CHN1: variants seen among roughly 807,000 people sequenced by gnomAD.
The protein encoded by CHN1 is N-chimaerin.
In CHN1, 37 loss-of-function variants were observed where a neutral mutation model predicts 59.5. That is an observed-to-expected ratio of 0.62 (90% CI 0.48 to 0.82). CHN1 has a LOEUF of 0.82. Among genes scored for constraint, CHN1 ranks in the 40% least tolerant of loss-of-function variants. The pLI, the probability that CHN1 is intolerant of heterozygous loss-of-function variation, is 0.00. For missense variants in CHN1, 469 were observed against 571.0 expected (o/e 0.82, Z 1.82); for synonymous variants, 206 against 200.4 (o/e 1.03, Z -0.24).
In CHN1 at chr2:174,900,543, C is replaced by T. The variant is rs757621608; in HGVS notation, c.260+14515G>A. 5.9e-5 allele frequency among the ~76,000 whole-genome samples: 9 copies of T among 152,274 alleles called. No individual in the cohort carries two copies. The South Asian group carries it at 6.2e-4, about 11-fold the overall frequency. On this transcript the variant is annotated intron_variant, in intron 5 of 12. Coordinates refer to ENST00000409900, the MANE Select transcript of CHN1 (RefSeq NM_001822.7). Reference sequence around the variant, plus strand: ...CATCAAGGCCAGGCGCAGTGGCTCACGCCTGTAATCCCAGTACTTTGGGAG... The same window carrying T: ...CATCAAGGCCAGGCGCAGTGGCTCATGCCTGTAATCCCAGTACTTTGGGAG...
Position 174,911,597 on chromosome 2 carries a change from C to A in CHN1, c.260+3461G>T, listed in dbSNP as rs531751491. ...CTGAGATGGGGCATGGAAGAAGATG[C>A]AAATGAAGAGCAAAAAATATCTCAC... On this transcript the variant is annotated intron_variant, in intron 5 of 12. Transcript: ENST00000409900. Among the ~76,000 whole-genome samples, 16 of 152,292 alleles carry A rather than the reference C, an allele frequency of 1.1e-4. No homozygotes were observed. In the South Asian group the frequency reaches 3.3e-3, roughly 32 times the overall value.
At chr2:174,989,633 T>C (rs765352490) in intron 1 of CHN1, among the ~76,000 whole-genome samples, 2 of 151,570 alleles carry the variant, frequency 1.3e-5, no homozygotes, top group Non-Finnish European at 2.9e-5. Flanking sequence ...CTACAGATTA[T>C]TTAAAAATTA....
chr2:174,896,591 AG>A (rs887668360), intron 5 of CHN1, among the ~76,000 whole-genome samples: 1 of 152,162 alleles, frequency 6.6e-6, no homozygotes, highest in African/African-American at 2.4e-5. Context: ...TCATGATGTC[AG>A]TCCAACTCAG....
At chr2:174,939,993 T>A (rs1429362270) in intron 3 of CHN1, among the ~76,000 whole-genome samples, 1 of 152,134 alleles carries the variant, frequency 6.6e-6, no homozygotes, top group Non-Finnish European at 1.5e-5. Flanking sequence ...TTAACATTTT[T>A]ATCAATAGAG....
intron 3 of CHN1, among the ~76,000 whole-genome samples, chr2:174,934,097 G>A (rs540350633): frequency 4.6e-5 from 7 of 152,162 alleles, no homozygotes; most frequent in Non-Finnish European, 1.0e-4. Flanking sequence ...GAGGTGAGGG[G>A]ATGGTTTTGG....
intron 5 of CHN1, among the ~76,000 whole-genome samples, chr2:174,894,764 T>C (rs909077863): frequency 6.6e-6 from 1 of 152,088 alleles, no homozygotes; most frequent in Non-Finnish European, 1.5e-5. Flanking sequence ...TGTGGTACAG[T>C]AGTCCACCTC....
chr2:174,859,221 T>A (rs1245499188), intron 6 of CHN1, among the ~76,000 whole-genome samples: 2 of 152,088 alleles, frequency 1.3e-5, no homozygotes, highest in African/African-American at 2.4e-5. Flanking sequence ...AGAATGTACC[T>A]AAGCTTATTT....
intron 1 of CHN1, among the ~76,000 whole-genome samples, chr2:174,960,858 G>A (rs1690374545): frequency 6.6e-6 from 1 of 152,206 alleles, no homozygotes; most frequent in South Asian, 2.1e-4. Flanking sequence ...TGGGCACAGT[G>A]GCTCATGCCT....
At chr2:174,912,208 A>T (rs1688724003) in intron 5 of CHN1, among the ~76,000 whole-genome samples, 1 of 152,220 alleles carries the variant, frequency 6.6e-6, no homozygotes, top group Non-Finnish European at 1.5e-5. Context: ...TTCAAAAGCA[A>T]TTTACATAAA....
At chr2:174,807,907 A>C (rs1057360609) in intron 11 of CHN1, among the ~76,000 whole-genome samples, 1 of 152,252 alleles carries the variant, frequency 6.6e-6, no homozygotes, top group Admixed American at 6.5e-5. Flanking sequence ...GGTTTTAAAG[A>C]GAGAAAAGCA....
At chr2:174,833,604 A>G (rs146429487) in intron 7 of CHN1, among the ~76,000 whole-genome samples, 2 of 152,116 alleles carry the variant, frequency 1.3e-5, no homozygotes, top group East Asian at 3.9e-4. Context: ...CTGCCTTTTA[A>G]TGGTGTGTTT....
At chr2:174,912,159 C>A (rs950344266) in intron 5 of CHN1, among the ~76,000 whole-genome samples, 1 of 151,650 alleles carries the variant, frequency 6.6e-6, no homozygotes, top group African/African-American at 2.4e-5. Context: ...GGTATGGCTC[C>A]AAAACACAAA....
rs150989020 is a variant in CHN1 at position 174,881,631 on chromosome 2, C to G, written c.261-3503G>C. Among the ~76,000 whole-genome samples the G allele has an allele frequency of 1.3e-5, 2 of 152,148 alleles. 1 individual carries two copies. The highest frequency in any genetic ancestry group is 4.1e-4 in the South Asian group (2 of 4,828). On this transcript the variant is annotated intron_variant, in intron 5 of 12. Transcript: ENST00000409900. ...ATGAGTTACCAACACTAAAGTAAAA[C>G]AGCAAAAATATTCAATAGATATGCA...
In CHN1 at chr2:174,862,426, G is replaced by A. The variant is rs576179980; in HGVS notation, c.549+15414C>T. 5.9e-5 allele frequency among the ~76,000 whole-genome samples: 9 copies of A among 151,530 alleles called. No individual in the cohort carries two copies. In the East Asian group the frequency reaches 1.6e-3, roughly 26 times the overall value. ...TGGCTCACTGCAACCTCCGCCTCCC[G>A]GGTTCAAGCAATTCTCCTGCCTCAG... On this transcript the variant is annotated intron_variant, in intron 6 of 12. Transcript: ENST00000409900.
Position 174,878,063 on chromosome 2 carries a change from C to A in CHN1, c.326G>T (p.Arg109Leu). The A allele has an allele frequency of 1.2e-6, 2 of 1,613,078 alleles. 1 individual carries two copies. The highest frequency in any genetic ancestry group is 3.3e-4 in the Middle Eastern group (2 of 6,062). The change falls in exon 6 of 13, where the codon CGC becomes CTC. Residue 109 changes from arginine to leucine, a missense_variant. Physicochemically the swap from Arg to Leu is moderately radical, Grantham distance 102. Coordinates refer to ENST00000409900, the MANE Select transcript of CHN1 (RefSeq NM_001822.7). The part of the protein sequence containing the change: ...YDGKHFVGEK[R>L]FESIHDLVTD... ...CACCAGATCGTGGATGGACTCAAAGCGTTTCTCCCCAACAAAGTGCTTGCC... is the reference window on the plus strand; with the variant it reads ...CACCAGATCGTGGATGGACTCAAAGAGTTTCTCCCCAACAAAGTGCTTGCC...
intron 3 of CHN1, among the ~76,000 whole-genome samples, chr2:174,940,200 TTTG>T (rs765470641): frequency 1.2e-4 from 18 of 152,106 alleles, no homozygotes; most frequent in Non-Finnish European, 2.6e-4. Flanking sequence ...TGGCTAATTT[TTTG>T]TTTTTAGTAG....
chr2:174,959,102 A>C (rs778526087), intron 1 of CHN1, among the ~76,000 whole-genome samples: 38 of 152,184 alleles, frequency 2.5e-4, no homozygotes, highest in Non-Finnish European at 4.9e-4. Context: ...ATGACATTTA[A>C]GAGCACTGTT....
chr2:175,003,403 T>C (rs1443636890), intron 1 of CHN1, among the ~76,000 whole-genome samples: 2 of 152,220 alleles, frequency 1.3e-5, no homozygotes, highest in South Asian at 2.1e-4. Flanking sequence ...TGGTTAAAGA[T>C]TTAGAATTTA....
intron 3 of CHN1, among the ~76,000 whole-genome samples, chr2:174,918,922 T>C (rs965148804): frequency 1.3e-5 from 2 of 152,026 alleles, no homozygotes; most frequent in Non-Finnish European, 2.9e-5. Flanking sequence ...TCCCCCATCC[T>C]CCCCTGCTAT....
Sources: gnomAD v4.1 joint callset for allele counts (sites outside exome capture counted in the v4.1 genomes callset) on GRCh38, gnomAD v4.1.1 for gene constraint, MANE v1.5 for transcripts, NCBI Gene and HGNC (gene_info 2026-07-23, HGNC 2026-07-21) for gene names.